PRR11: variants seen among roughly 807,000 people sequenced by gnomAD.
The protein encoded by PRR11 is proline-rich protein 11.
PRR11 carries 30 observed loss-of-function variants against 45.6 expected under a neutral mutation model. That is an observed-to-expected ratio of 0.66 (90% confidence interval 0.49 to 0.89). PRR11 has a LOEUF of 0.89. Among genes scored for constraint, PRR11 ranks in the 40% least tolerant of loss-of-function variants. The pLI is 0.00. For synonymous variants in PRR11, 128 were observed against 153.5 expected (o/e 0.83, Z 1.23); for missense variants, 373 against 424.8 (o/e 0.88, Z 1.07).
At position 59,159,131 on chromosome 17, in the gene PRR11, C is replaced by CT. The variant is rs376097014; in HGVS notation, c.-6+3333dup. Among the ~76,000 whole-genome samples, 1,059 of 152,218 alleles carry CT rather than the reference C, an allele frequency of 7.0e-3. 15 individuals are homozygous for CT. Among genetic ancestry groups the CT allele is most frequent in the African/African-American group, 0.024 (1,009 of 41,522 alleles). ...CACCGCACCCAGCCTCCCACACCCT[C>CT]TTTTTTTATAACCCTCTACTCCAAT... is the stretch of plus-strand genomic sequence containing the variant. On this transcript the variant is annotated intron_variant, in intron 1 of 9. Transcript: ENST00000262293.
chr17:59,164,212 A>G (rs1048060152), intron 1 of PRR11, among the ~76,000 whole-genome samples: 1 of 152,236 alleles, frequency 6.6e-6, no homozygotes, highest in Non-Finnish European at 1.5e-5. Context: ...AGCAGAGACC[A>G]TATGGCCTGC....
chr17:59,168,237 C>T (rs1280916567), intron 1 of PRR11, among the ~76,000 whole-genome samples: 2 of 151,564 alleles, frequency 1.3e-5, no homozygotes, highest in South Asian at 2.1e-4. Flanking sequence ...GGCGTGATCT[C>T]GGCTCACTGC....
intron 2 of PRR11, among the ~76,000 whole-genome samples, chr17:59,171,230 T>A (rs2046706919): frequency 6.6e-6 from 1 of 151,358 alleles, no homozygotes; most frequent in Non-Finnish European, 1.5e-5. Context: ...GCCACTGCGC[T>A]CCAGCCTGGG....
At chr17:59,188,635 C>T (rs1265980394) in intron 4 of PRR11, among the ~76,000 whole-genome samples, 1 of 151,938 alleles carries the variant, frequency 6.6e-6, no homozygotes, top group Admixed American at 6.6e-5. Context: ...CCCAGGAAAA[C>T]TTTTTTAAAG....
intron 2 of PRR11, chr17:59,181,782 C>T (rs536920415): frequency 1.3e-4 from 202 of 1,550,956 alleles, no homozygotes; most frequent in Non-Finnish European, 1.7e-4. Context: ...TGTAATGCTT[C>T]TGCAACTGAT....
Position 59,201,710 on chromosome 17 carries a change from C to G in PRR11, c.*79C>G. The G allele has an allele frequency of 6.9e-7, 1 of 1,445,266 alleles. No individual in the cohort carries two copies. Among genetic ancestry groups the G allele is most frequent in the East Asian group, 2.3e-5 (1 of 43,576 alleles). 89.5% of individuals were successfully genotyped at this position (1,445,266 alleles called of 1,614,324 possible). ...ACCCAGCTGGGTGCAGTGGCTCACACCTGTAATCCCAGCACTTTGGGAGGC... is the reference window on the plus strand; with the variant it reads ...ACCCAGCTGGGTGCAGTGGCTCACAGCTGTAATCCCAGCACTTTGGGAGGC... On this transcript the variant is annotated 3_prime_UTR_variant, in exon 10 of 10. Coordinates refer to ENST00000262293, the MANE Select transcript of PRR11 (RefSeq NM_018304.4).
At chr17:59,169,355 C>T (rs752039398) in intron 1 of PRR11, among the ~76,000 whole-genome samples, 10 of 152,082 alleles carry the variant, frequency 6.6e-5, no homozygotes, top group Non-Finnish European at 1.5e-4. Context: ...GCCTCGGCCT[C>T]CCAAAGTGCT....
At chr17:59,175,737 G>C (rs1456411495) in intron 2 of PRR11, among the ~76,000 whole-genome samples, 1 of 151,996 alleles carries the variant, frequency 6.6e-6, no homozygotes, top group African/African-American at 2.4e-5. Flanking sequence ...ACAAGACTCT[G>C]TCTCAATAAA....
At chr17:59,198,862 G>A (rs1406671074) in intron 9 of PRR11, among the ~76,000 whole-genome samples, 2 of 151,946 alleles carry the variant, frequency 1.3e-5, no homozygotes, top group Non-Finnish European at 2.9e-5. Flanking sequence ...AGAACTATAG[G>A]TAGGATTATC....
At chr17:59,184,993 G>A in intron 2 of PRR11, 61 bp from the exon 3 acceptor site, 2 of 1,511,528 alleles carry the variant, frequency 1.3e-6, no homozygotes, top group Non-Finnish European at 1.8e-6. Flanking sequence ...CACCACACCA[G>A]GCCAAGGCTA....
chr17:59,165,212 G>T (rs1462189038), intron 1 of PRR11, among the ~76,000 whole-genome samples: 1 of 151,788 alleles, frequency 6.6e-6, no homozygotes, highest in East Asian at 2.0e-4. Flanking sequence ...AGTAGAGACG[G>T]GGTTTCACCA....
intron 4 of PRR11, among the ~76,000 whole-genome samples, chr17:59,188,317 T>G (rs1402631073): frequency 6.6e-6 from 1 of 152,186 alleles, no homozygotes; most frequent in African/African-American, 2.4e-5. Context: ...GGTGCTCTCT[T>G]GTTATTGAGA....
At chr17:59,161,644 G>T (rs763344704) in intron 1 of PRR11, among the ~76,000 whole-genome samples, 1 of 152,148 alleles carries the variant, frequency 6.6e-6, no homozygotes, top group Admixed American at 6.5e-5. Flanking sequence ...AACTACTCAG[G>T]AGGCTGAGGC....
chr17:59,198,976 G>T (rs2046879636), intron 9 of PRR11, among the ~76,000 whole-genome samples: 1 of 152,200 alleles, frequency 6.6e-6, no homozygotes, highest in Non-Finnish European at 1.5e-5. Context: ...TTGAAGTACT[G>T]GGAATATAGT....
chr17:59,183,186 C>T (rs889273196), intron 2 of PRR11, among the ~76,000 whole-genome samples: 4 of 152,178 alleles, frequency 2.6e-5, no homozygotes, highest in Non-Finnish European at 4.4e-5. Context: ...CTGCCACTGT[C>T]CCAACCTCAG....
chr17:59,167,632 AT>A (rs1408968603), intron 1 of PRR11, among the ~76,000 whole-genome samples: 2 of 152,102 alleles, frequency 1.3e-5, no homozygotes, highest in Non-Finnish European at 2.9e-5. Flanking sequence ...CAAGGGGTGG[AT>A]TATTCATGAG....
rs145780567 is a variant in PRR11 at position 59,169,772 on chromosome 17, G to A, written c.20G>A (p.Arg7Gln). 12,843 of 1,596,020 alleles carry A rather than the reference G, an allele frequency of 8.0e-3. 60 individuals are homozygous for A. The highest frequency in any genetic ancestry group is 9.7e-3 in the Non-Finnish European group (11,358 of 1,174,970). MPKFKQ[R>Q]RRKLKAKAER... Reference sequence around the variant, plus strand: ...GAAATCATGCCCAAGTTCAAACAACGAAGACGAAAGCTAAAAGCCAAAGCC... The same window carrying A: ...GAAATCATGCCCAAGTTCAAACAACAAAGACGAAAGCTAAAAGCCAAAGCC... Residue 7 changes from arginine (R) to glutamine (Q), a missense_variant, in exon 2 of 10, where the codon CGA becomes CAA. Coordinates refer to ENST00000262293, the MANE Select transcript of PRR11 (RefSeq NM_018304.4).
chr17:59,162,958 G>A (rs532581204), intron 1 of PRR11, among the ~76,000 whole-genome samples: 28 of 152,048 alleles, frequency 1.8e-4, no homozygotes, highest in African/African-American at 5.5e-4. Context: ...TTGAACTCCC[G>A]ACCTCAGGTG....
chr17:59,175,290 C>A (rs1333931454), intron 2 of PRR11, among the ~76,000 whole-genome samples: 1 of 152,156 alleles, frequency 6.6e-6, no homozygotes, highest in Non-Finnish European at 1.5e-5. Flanking sequence ...TGTCAGAGAC[C>A]TGCTGAAGGG....
Sources: allele counts gnomAD v4.1 joint callset (sites outside exome capture counted in the v4.1 genomes callset), GRCh38; gene constraint gnomAD v4.1.1; transcripts MANE v1.5; gene names NCBI Gene and HGNC (gene_info 2026-07-23, HGNC 2026-07-21).